Variants in KLHL4 observed in about 807,000 individuals in gnomAD.
KLHL4 encodes the protein kelch like family member 4.
Under a neutral mutation model 45.8 loss-of-function variants are expected in KLHL4, and 17 were observed. The observed-to-expected ratio is 0.37, with a 90% CI of 0.25 to 0.56. KLHL4 has a LOEUF of 0.56. KLHL4 is among the 20% of genes least tolerant of loss of function. The pLI is 0.79. For synonymous variants in KLHL4, 224 were observed against 189.9 expected, an observed-to-expected ratio of 1.18 and a Z score of -1.47; for missense variants, 544 against 544.9, an observed-to-expected ratio of 1.00 and a Z score of 0.02.
At chrX:87,565,318 T>C (rs933473809) in intron 1 of KLHL4, among the ~76,000 whole-genome samples, 27 of 111,828 alleles carry the variant, frequency 2.4e-4, no homozygotes, top group African/African-American at 8.1e-4. Context: ...AAATAGAGAA[T>C]AGAAAAATAA....
rs1001295536 is a variant in KLHL4, at chrX:87,651,935, A to G, written c.1926-12829A>G. On this transcript the variant is annotated intron_variant, in intron 9 of 10. Coordinates refer to ENST00000373119, the MANE Select transcript of KLHL4 (RefSeq NM_019117.5). ...ACTGCCCTAGCAGAGGTTCTCTTTGAGGGCCCTATTCCTGCAACAAACTTC... is the reference window on the plus strand; with the variant it reads ...ACTGCCCTAGCAGAGGTTCTCTTTGGGGGCCCTATTCCTGCAACAAACTTC... Among the ~76,000 whole-genome samples, 2 of 112,379 alleles carry G rather than the reference A, an allele frequency of 1.8e-5. 1 individual carries two copies. The highest frequency in any genetic ancestry group is 1.9e-4 in the Admixed American group (2 of 10,654).
chrX:87,606,972 G>A (rs1922219382), intron 1 of KLHL4, among the ~76,000 whole-genome samples: 1 of 111,661 alleles, frequency 9.0e-6, no homozygotes, highest in African/African-American at 3.2e-5. Context: ...GGCTTAGTTG[G>A]CAAATAATGA....
intron 1 of KLHL4, among the ~76,000 whole-genome samples, chrX:87,535,092 C>T (rs1931401113): frequency 8.9e-6 from 1 of 111,836 alleles, no homozygotes; most frequent in Non-Finnish European, 1.9e-5. Context: ...ACAGCTAGTA[C>T]ATATCTGAGG....
At chrX:87,533,410 T>C (rs2147768288) in intron 1 of KLHL4, among the ~76,000 whole-genome samples, 1 of 100,258 alleles carries the variant, frequency 1.0e-5, no homozygotes, top group East Asian at 3.2e-4. Context: ...TGTAGGGACA[T>C]GGATGAAATT....
At chrX:87,519,668 G>A (rs1414928702) in intron 1 of KLHL4, among the ~76,000 whole-genome samples, 1 of 112,138 alleles carries the variant, frequency 8.9e-6, no homozygotes. Flanking sequence ...GTTGCATTTG[G>A]TACAACAAAT....
chrX:87,621,414 A>G (rs1027346832), intron 4 of KLHL4, among the ~76,000 whole-genome samples: 1 of 110,672 alleles, frequency 9.0e-6, no homozygotes, highest in Non-Finnish European at 1.9e-5. Flanking sequence ...AAAATGAAAC[A>G]CAGATGTTTG....
intron 1 of KLHL4, among the ~76,000 whole-genome samples, chrX:87,567,102 T>C (rs1351667278): frequency 9.0e-6 from 1 of 111,328 alleles, no homozygotes; most frequent in African/African-American, 3.3e-5. Context: ...TTTAGCACCC[T>C]TTCATGATTA....
Position 87,652,935 on chromosome X carries a change from G to A in KLHL4, c.1926-11829G>A, listed in dbSNP as rs138858644. 5.3e-3 allele frequency among the ~76,000 whole-genome samples: 593 copies of A among 112,283 alleles called. 9 individuals carry two copies. The highest frequency in any genetic ancestry group is 0.032 in the Admixed American group (344 of 10,593). On this transcript the variant is annotated intron_variant, in intron 9 of 10. Transcript: ENST00000373119. ...AATGGACTCACAGTTCCATGTGGCC[G>A]TGGAGGCCATGGCAGAAGGTGAAAG...
At chrX:87,522,254 T>C (rs754192042) in intron 1 of KLHL4, among the ~76,000 whole-genome samples, 130 of 111,320 alleles carry the variant, frequency 1.2e-3, no homozygotes, top group African/African-American at 4.0e-3. Context: ...GAGATGGGAG[T>C]GTGGTTGATA....
At chrX:87,548,289 A>G (rs1931727469) in intron 1 of KLHL4, among the ~76,000 whole-genome samples, 1 of 111,869 alleles carries the variant, frequency 8.9e-6, no homozygotes, top group Non-Finnish European at 1.9e-5. Context: ...AGAAGAAATA[A>G]AGACATTTTC....
At chrX:87,628,325 C>T (rs1303499921) in intron 6 of KLHL4, among the ~76,000 whole-genome samples, 1 of 89,348 alleles carries the variant, frequency 1.1e-5, no homozygotes, top group East Asian at 3.2e-4. Flanking sequence ...GACAAAAGAA[C>T]AGCAACAAAA....
intron 9 of KLHL4, among the ~76,000 whole-genome samples, chrX:87,664,467 T>C (rs1924298456): frequency 8.9e-6 from 1 of 111,979 alleles, no homozygotes; most frequent in Non-Finnish European, 1.9e-5. Flanking sequence ...GAGACTTTTT[T>C]ATATAATGCC....
chrX:87,572,829 A>AAT (rs1427748877), intron 1 of KLHL4, among the ~76,000 whole-genome samples: 2 of 110,050 alleles, frequency 1.8e-5, no homozygotes, highest in Admixed American at 1.9e-4. Context: ...ACTTAAAAAA[A>AAT]AAAATAAATG....
At chrX:87,545,358 G>A (rs1439164955) in intron 1 of KLHL4, among the ~76,000 whole-genome samples, 2 of 111,314 alleles carry the variant, frequency 1.8e-5, no homozygotes, top group Admixed American at 9.6e-5. Flanking sequence ...TATTGGGGGC[G>A]ATTTTGCCAT....
At chrX:87,555,697 G>GT (rs1406780461) in intron 1 of KLHL4, among the ~76,000 whole-genome samples, 2 of 105,440 alleles carry the variant, frequency 1.9e-5, no homozygotes, top group Admixed American at 2.0e-4. Context: ...TTTTTGAAGG[G>GT]TTTTTTGTGT....
chrX:87,619,037 C>T (rs1483389825), intron 4 of KLHL4, among the ~76,000 whole-genome samples: 1 of 111,451 alleles, frequency 9.0e-6, no homozygotes, highest in Non-Finnish European at 1.9e-5. Flanking sequence ...GATGCCAATA[C>T]TTCCCTGAGA....
At chrX:87,617,381 GTTC>G (rs1922593143) in intron 3 of KLHL4, among the ~76,000 whole-genome samples, 1 of 109,746 alleles carries the variant, frequency 9.1e-6, no homozygotes, top group East Asian at 2.9e-4. Flanking sequence ...AAAGTTCAGT[GTTC>G]TTCTTACAAA....
chrX:87,598,443 T>C (rs1426302227), intron 1 of KLHL4, among the ~76,000 whole-genome samples: 1 of 111,507 alleles, frequency 9.0e-6, no homozygotes, highest in African/African-American at 3.3e-5. Flanking sequence ...GATATACTGA[T>C]ACTTTGACAT....
chrX:87,661,011 A>C (rs1375734518), intron 9 of KLHL4, among the ~76,000 whole-genome samples: 1 of 112,625 alleles, frequency 8.9e-6, no homozygotes, highest in African/African-American at 3.2e-5. Flanking sequence ...GAACTGTACA[A>C]AGATACAGAG....
Sources: allele counts gnomAD v4.1 joint callset (sites outside exome capture counted in the v4.1 genomes callset), GRCh38; gene constraint gnomAD v4.1.1; transcripts MANE v1.5; gene names NCBI Gene and HGNC (gene_info 2026-07-23, HGNC 2026-07-21).